The following CLTRN variants were observed in gnomAD, a reference collection of about 807,000 sequenced individuals.
The protein encoded by CLTRN is collectrin, amino acid transport regulator, also known as collectrin.
CLTRN carries 12 observed loss-of-function variants against 14.5 expected under a neutral mutation model. That is an observed-to-expected ratio of 0.83 (90% CI 0.53 to 1.34). CLTRN has a LOEUF of 1.34. Among genes scored for constraint, CLTRN ranks in the 40% most tolerant of loss-of-function variants. The pLI is 0.00. For missense variants in CLTRN, 154 were observed against 165.1 expected (o/e 0.93, Z 0.37); for synonymous variants, 58 against 56.5 (o/e 1.03, Z -0.12).
chrX:15,659,130 G>A, intron 2 of CLTRN, 29 bp from the exon 3 acceptor site: 1 of 940,757 alleles, frequency 1.1e-6, no homozygotes, highest in Non-Finnish European at 1.5e-6. Context: ...AAAGTGTATG[G>A]GGGAAAATAT....
At chrX:15,675,267 A>G (rs193227593), upstream of CLTRN, among the ~76,000 whole-genome samples, 80 of 112,085 alleles carry the variant, frequency 7.1e-4, no homozygotes, top group African/African-American at 2.5e-3. Context: ...GAGGTGGGGT[A>G]GGCAGACTAG....
rs1929438929 is a variant in CLTRN at position 15,659,034 on chromosome X, G to A, written c.185C>T (p.Pro62Leu). 1 of 1,166,847 alleles carries A rather than the reference G, an allele frequency of 8.6e-7. No homozygotes were observed. Among genetic ancestry groups the A allele is most frequent in the African/African-American group, 1.8e-5 (1 of 56,600 alleles). ...AMVAFSMRKV[P>L]NREATEISHV... The stretch of plus-strand genomic sequence containing the variant: ...TGCTTACTCTGTTGCTTCTCTGTTG[G>A]GAACTTTTCTCATGGAGAAAGCTAC... The change falls in exon 3 of 6, where the codon CCC (proline) becomes CTC (leucine). Residue 62 changes from proline (P) to leucine (L), a missense_variant. Physicochemically the swap from Pro to Leu is moderately conservative, Grantham distance 98. Transcript: ENST00000380342.
chrX:15,673,777 T>C (rs763048421), intron 1 of CLTRN, among the ~76,000 whole-genome samples: 8 of 112,312 alleles, frequency 7.1e-5, no homozygotes, highest in Non-Finnish European at 1.1e-4. Flanking sequence ...TATGTAGAAG[T>C]GTATATAGTA....
intron 3 of CLTRN, among the ~76,000 whole-genome samples, chrX:15,657,091 C>A (rs780623772): frequency 5.4e-5 from 6 of 110,541 alleles, no homozygotes; most frequent in Non-Finnish European, 1.1e-4. Flanking sequence ...CTCAAACTCC[C>A]AGGCTCAAGT....
At chrX:15,661,459 C>A (rs1469299180) in intron 2 of CLTRN, among the ~76,000 whole-genome samples, 1 of 112,002 alleles carries the variant, frequency 8.9e-6, no homozygotes, top group Non-Finnish European at 1.9e-5. Flanking sequence ...GGGTATCCTG[C>A]CAGTGGAACC....
intron 3 of CLTRN, chrX:15,646,272 ACTTT>A (rs1929065077): frequency 4.1e-6 from 1 of 243,802 alleles, no homozygotes; most frequent in African/African-American, 2.9e-5. Flanking sequence ...CGCCTCGTGC[ACTTT>A]CTGACATTTT....
upstream of CLTRN, chrX:15,675,140 G>T (rs1350831918): frequency 8.9e-6 from 1 of 112,828 alleles, no homozygotes; most frequent in Non-Finnish European, 1.9e-5. Context: ...TGGCCCGAAC[G>T]AGCTGACTTT....
At chrX:15,632,572 C>T (rs1277571121) in intron 5 of CLTRN, among the ~76,000 whole-genome samples, 2 of 104,040 alleles carry the variant, frequency 1.9e-5, no homozygotes, top group South Asian at 4.3e-4. Context: ...AGTGAGACTC[C>T]GTCTCAAAAT....
chrX:15,663,150 C>T (rs1929546488), intron 2 of CLTRN, among the ~76,000 whole-genome samples: 1 of 112,007 alleles, frequency 8.9e-6, no homozygotes, highest in Non-Finnish European at 1.9e-5. Context: ...TAATACTTGT[C>T]AAGATTGCAC....
intron 3 of CLTRN, among the ~76,000 whole-genome samples, chrX:15,648,329 T>C (rs948185009): frequency 9.0e-6 from 1 of 111,634 alleles, no homozygotes; most frequent in South Asian, 3.7e-4. Flanking sequence ...GATAATTTTA[T>C]GTTGTGAGGA....
chrX:15,667,169 GGAGCTTGCAGT>G (rs749547358), upstream of CLTRN, among the ~76,000 whole-genome samples: 12 of 111,524 alleles, frequency 1.1e-4, no homozygotes, highest in East Asian at 3.1e-3. Context: ...CCCGGGAGGC[GGAGCTTGCAGT>G]GAGCCGAGAT....
rs751539906 is a variant in CLTRN at position 15,629,429 on chromosome X, A to T, written c.513-1302T>A. Among the ~76,000 whole-genome samples, 84 of 110,811 alleles carry T rather than the reference A, an allele frequency of 7.6e-4. No individual in the cohort carries two copies. In the East Asian group the frequency reaches 0.011, roughly 15 times the overall value. Reference sequence around the variant, plus strand: ...AGAACTTAAAGTATAATAAAAAAAAATTTTTTTTAAATCATCTTTCCCACC... The same window carrying T: ...AGAACTTAAAGTATAATAAAAAAAATTTTTTTTTAAATCATCTTTCCCACC... On this transcript the variant is annotated intron_variant, in intron 5 of 5. Transcript: ENST00000380342.
At chrX:15,634,942 A>AT (rs548461295) in intron 5 of CLTRN, among the ~76,000 whole-genome samples, 1 of 107,236 alleles carries the variant, frequency 9.3e-6, no homozygotes, top group Admixed American at 1.0e-4. Flanking sequence ...ATAATAATAA[A>AT]AAATAAATAA....
At chrX:15,654,831 G>A (rs1306474564) in intron 3 of CLTRN, among the ~76,000 whole-genome samples, 1 of 112,220 alleles carries the variant, frequency 8.9e-6, no homozygotes, top group Non-Finnish European at 1.9e-5. Flanking sequence ...CACGTAGCAG[G>A]CTTTCAGTAG....
chrX:15,661,991 T>A (rs1251494099), intron 2 of CLTRN, among the ~76,000 whole-genome samples: 2 of 111,503 alleles, frequency 1.8e-5, no homozygotes, highest in Non-Finnish European at 3.8e-5. Context: ...AACCCCACAT[T>A]TTAGGTAAGT....
At chrX:15,671,545 A>G (rs898796845) in intron 1 of CLTRN, among the ~76,000 whole-genome samples, 1 of 111,290 alleles carries the variant, frequency 9.0e-6, no homozygotes, top group East Asian at 2.8e-4. Context: ...TTCTCCAACA[A>G]TGGTCCTGAG....
chrX:15,666,816 G>C (rs995221913), upstream of CLTRN, among the ~76,000 whole-genome samples: 1 of 112,133 alleles, frequency 8.9e-6, no homozygotes, highest in African/African-American at 3.2e-5. Flanking sequence ...AGCCAGACTA[G>C]ATGAAGTCAT....
At chrX:15,655,330 G>A (rs772625463) in intron 3 of CLTRN, among the ~76,000 whole-genome samples, 2 of 112,217 alleles carry the variant, frequency 1.8e-5, no homozygotes, top group Non-Finnish European at 3.8e-5. Flanking sequence ...GGTAGTGGAC[G>A]TCCAGATGCT....
intron 3 of CLTRN, among the ~76,000 whole-genome samples, chrX:15,651,652 T>C (rs1929219419): frequency 9.0e-6 from 1 of 111,529 alleles, no homozygotes; most frequent in Non-Finnish European, 1.9e-5. Flanking sequence ...TTGCAGCAGA[T>C]TTCTCTTGTG....
Sources: gnomAD v4.1 joint callset for allele counts (sites outside exome capture counted in the v4.1 genomes callset) on GRCh38, gnomAD v4.1.1 for gene constraint, MANE v1.5 for transcripts, NCBI Gene and HGNC (gene_info 2026-07-23, HGNC 2026-07-21) for gene names.